Variants in IPCEF1 observed in about 807,000 individuals in gnomAD.
IPCEF1 encodes interaction protein for cytohesin exchange factors 1.
Under a neutral mutation model 50.9 loss-of-function variants are expected in IPCEF1, and 31 were observed. That is an observed-to-expected ratio of 0.61 (90% CI 0.46 to 0.82). The LOEUF (loss-of-function observed/expected upper bound fraction) is 0.82. Ranked by LOEUF, IPCEF1 falls within the 40% of genes least tolerant of loss-of-function variation. IPCEF1 has a pLI of 0.00. For synonymous variants in IPCEF1, 181 were observed against 192.0 expected (o/e 0.94, Z 0.47); for missense variants, 458 against 514.0 (o/e 0.89, Z 1.05).
intron 2 of IPCEF1, among the ~76,000 whole-genome samples, chr6:154,272,939 C>A (rs1212567537): frequency 1.3e-5 from 2 of 152,142 alleles, no homozygotes; most frequent in Non-Finnish European, 2.9e-5. Context: ...AGGTAACTGT[C>A]CTGGTTATTC....
At chr6:154,216,496 T>G (rs760637900) in intron 7 of IPCEF1, among the ~76,000 whole-genome samples, 4 of 152,226 alleles carry the variant, frequency 2.6e-5, no homozygotes, top group Non-Finnish European at 5.9e-5. Context: ...CCTGATCCAC[T>G]GTACTTCAAA....
intron 1 of IPCEF1, among the ~76,000 whole-genome samples, chr6:154,353,588 C>A (rs2128702694): frequency 6.6e-6 from 1 of 152,294 alleles, no homozygotes; most frequent in East Asian, 1.9e-4. Context: ...CGCACCCGGG[C>A]CTATTTACTT....
chr6:154,327,013 T>A (rs548133708), intron 1 of IPCEF1, among the ~76,000 whole-genome samples: 22 of 152,220 alleles, frequency 1.4e-4, no homozygotes, highest in Admixed American at 6.5e-4. Flanking sequence ...GCTAGCCATA[T>A]GCAGAAGACT....
intron 1 of IPCEF1, among the ~76,000 whole-genome samples, chr6:154,324,884 G>GT (rs35721080): frequency 0.57 from 86,964 of 151,606 alleles, 25,814 homozygotes; most frequent in Non-Finnish European, 0.66. Flanking sequence ...ACGTTTGAGG[G>GT]TTTTTTTCCA....
chr6:154,162,894 T>G (rs887997870), intron 11 of IPCEF1, among the ~76,000 whole-genome samples: 8 of 152,192 alleles, frequency 5.3e-5, no homozygotes, highest in African/African-American at 7.2e-5. Context: ...TAAGTTCCTC[T>G]TATTCTCTAC....
chr6:154,175,240 C>A (rs1390279834), intron 10 of IPCEF1, among the ~76,000 whole-genome samples: 1 of 152,036 alleles, frequency 6.6e-6, no homozygotes, highest in African/African-American at 2.4e-5. Flanking sequence ...AAAATTGACA[C>A]CCTAACATCA....
At chr6:154,241,063 C>G (rs968922788) in intron 5 of IPCEF1, among the ~76,000 whole-genome samples, 1 of 151,932 alleles carries the variant, frequency 6.6e-6, no homozygotes, top group Non-Finnish European at 1.5e-5. Context: ...TGGTGAAACC[C>G]CGTCTCTACT....
At chr6:154,321,167 G>T (rs1479119766) in intron 1 of IPCEF1, among the ~76,000 whole-genome samples, 6 of 152,060 alleles carry the variant, frequency 3.9e-5, no homozygotes, top group African/African-American at 1.4e-4. Context: ...CTGGGCTCAA[G>T]CAATCCTCCC....
intron 10 of IPCEF1, among the ~76,000 whole-genome samples, chr6:154,179,833 C>T (rs1800678176): frequency 6.6e-6 from 1 of 152,198 alleles, no homozygotes; most frequent in South Asian, 2.1e-4. Context: ...TTCTAGACCA[C>T]TCCTCTCAAA....
chr6:154,304,983 G>A (rs184926426), intron 1 of IPCEF1, among the ~76,000 whole-genome samples: 262 of 152,090 alleles, frequency 1.7e-3, no homozygotes, highest in African/African-American at 5.6e-3. Flanking sequence ...GTGTAGTGGC[G>A]CATGCCTGTA....
chr6:154,172,802 G>T (rs2128558503), intron 10 of IPCEF1, among the ~76,000 whole-genome samples: 1 of 152,346 alleles, frequency 6.6e-6, no homozygotes, highest in South Asian at 2.1e-4. Context: ...TCTGAAGAGA[G>T]CAGTGGTTCT....
intron 1 of IPCEF1, among the ~76,000 whole-genome samples, chr6:154,328,347 CA>C (rs1783574284): frequency 6.6e-6 from 1 of 152,170 alleles, no homozygotes; most frequent in South Asian, 2.1e-4. Context: ...CTTGGCCAAT[CA>C]ACTGGGAAAT....
intron 10 of IPCEF1, among the ~76,000 whole-genome samples, chr6:154,177,442 GA>G (rs958761905): frequency 6.6e-6 from 1 of 152,046 alleles, no homozygotes; most frequent in African/African-American, 2.4e-5. Context: ...AAATTTATAA[GA>G]AAAAAACAAA....
intron 7 of IPCEF1, among the ~76,000 whole-genome samples, chr6:154,215,921 G>A (rs1249020144): frequency 6.6e-6 from 1 of 152,056 alleles, no homozygotes; most frequent in Non-Finnish European, 1.5e-5. Context: ...TCAAACACAG[G>A]AAAATATTTT....
intron 1 of IPCEF1, among the ~76,000 whole-genome samples, chr6:154,335,832 C>G (rs1584001621): frequency 6.6e-6 from 1 of 152,182 alleles, no homozygotes; most frequent in Middle Eastern, 3.4e-3. Flanking sequence ...TAAAAATGAG[C>G]AAAGGACATG....
intron 1 of IPCEF1, among the ~76,000 whole-genome samples, chr6:154,354,573 C>T (rs113658518): frequency 3.9e-5 from 6 of 152,030 alleles, no homozygotes; most frequent in African/African-American, 1.4e-4. Flanking sequence ...CCTCCACAAC[C>T]ACCTCTACCA....
intron 1 of IPCEF1, among the ~76,000 whole-genome samples, chr6:154,320,201 A>C (rs13215407): frequency 6.6e-6 from 1 of 152,230 alleles, no homozygotes; most frequent in African/African-American, 2.4e-5. Context: ...TAAATCCTAG[A>C]CGCTAACCAT....
intron 10 of IPCEF1, among the ~76,000 whole-genome samples, chr6:154,179,431 A>G (rs1182970974): frequency 1.3e-5 from 2 of 152,184 alleles, no homozygotes; most frequent in East Asian, 3.8e-4. Context: ...AGAGCGAGGA[A>G]AAAAGATTGG....
chr6:154,188,119 T>G (rs1481619247), intron 10 of IPCEF1, among the ~76,000 whole-genome samples: 2 of 152,204 alleles, frequency 1.3e-5, no homozygotes, highest in African/African-American at 4.8e-5. Flanking sequence ...TAAAAAAATT[T>G]AGGATAAATT....
Sources: gnomAD v4.1 joint callset for allele counts (sites outside exome capture counted in the v4.1 genomes callset) on GRCh38, gnomAD v4.1.1 for gene constraint, MANE v1.5 for transcripts, NCBI Gene and HGNC (gene_info 2026-07-23, HGNC 2026-07-21) for gene names.